Variants in DDX17 observed in about 807,000 individuals in gnomAD.
The protein encoded by DDX17 is DEAD-box helicase 17.
DDX17 carries 10 observed loss-of-function variants against 80.8 expected under a neutral mutation model. The observed-to-expected ratio is 0.12, with a 90% CI of 0.08 to 0.21. The LOEUF (loss-of-function observed/expected upper bound fraction) is 0.21. DDX17 is among the 10% of genes least tolerant of loss of function. The pLI is 1.00. For missense variants in DDX17, 586 were observed against 957.4 expected, an observed-to-expected ratio of 0.61 and a Z score of 5.12; for synonymous variants, 339 against 336.2, an observed-to-expected ratio of 1.01 and a Z score of -0.09.
Position 38,484,458 on chromosome 22 carries a change from A to G in DDX17, c.*1477T>C, listed in dbSNP as rs1270285638. The G allele has an allele frequency of 6.6e-6, 1 of 152,224 alleles. No homozygotes were observed. 9.4% of individuals were successfully genotyped at this position (152,224 alleles called of 1,614,324 possible). ...AAAACCTCGAGTATAGATCTTACAGATGAGCAAGCATTCAGGCCTTAGCCA... is the reference window on the plus strand; with the variant it reads ...AAAACCTCGAGTATAGATCTTACAGGTGAGCAAGCATTCAGGCCTTAGCCA... On this transcript the variant is annotated 3_prime_UTR_variant, in exon 13 of 13. Transcript: ENST00000403230.
intron 3 of DDX17, among the ~76,000 whole-genome samples, chr22:38,498,837 T>A (rs2089796536): frequency 6.6e-6 from 1 of 152,116 alleles, no homozygotes; most frequent in African/African-American, 2.4e-5. Flanking sequence ...GTCAACATGG[T>A]GAACCCTGTC....
At chr22:38,497,297 CAAAAAAAAAA>C (rs138448) in intron 5 of DDX17, among the ~76,000 whole-genome samples, 2 of 36,172 alleles carry the variant, frequency 5.5e-5, no homozygotes, top group South Asian at 1.7e-3. Context: ...AACTCCATCT[CAAAAAAAAAA>C]AAAAAAAAAA....
In DDX17 at chr22:38,492,041, C is replaced by T. The variant is rs775748709; in HGVS notation, c.1447+15G>A. On this transcript the variant is annotated intron_variant, in intron 11 of 12. Coordinates refer to ENST00000403230, the MANE Select transcript of DDX17 (RefSeq NM_006386.5). Reference sequence around the variant, plus strand: ...GATACATATACCATTGACAGAGACACCTATCTATACAAACCTAGCCCACGG... The same window carrying T: ...GATACATATACCATTGACAGAGACATCTATCTATACAAACCTAGCCCACGG... 5.0e-6 allele frequency: 8 copies of T among 1,586,996 alleles called. No homozygotes were observed. In the Admixed American group the frequency reaches 5.3e-5, roughly 11 times the overall value.
chr22:38,497,619 C>CAAAAAAAAAAAAAAAAA (rs138449), intron 5 of DDX17, among the ~76,000 whole-genome samples: 59 of 74,868 alleles, frequency 7.9e-4, no homozygotes, highest in African/African-American at 2.5e-3. Context: ...AATATATCTC[C>CAAAAAAAAAAAAAAAAA]AAAAAAAAAA....
chr22:38,497,537 G>A (rs912325126), intron 5 of DDX17, among the ~76,000 whole-genome samples: 7 of 148,376 alleles, frequency 4.7e-5, no homozygotes, highest in Non-Finnish European at 7.4e-5. Context: ...AGAATGGCTT[G>A]AACCTGGCAG....
rs1019237222 is a variant in DDX17 at position 38,488,722 on chromosome 22, A to G, written c.1448-607T>C. The G allele has an allele frequency of 2.9e-5, 29 of 987,094 alleles. No individual in the cohort carries two copies. The African/African-American group carries it at 5.1e-4, about 17-fold the overall frequency. 61.1% of individuals were successfully genotyped at this position (987,094 alleles called of 1,614,324 possible). On this transcript the variant is annotated intron_variant, in intron 11 of 12. Coordinates refer to ENST00000403230, the MANE Select transcript of DDX17 (RefSeq NM_006386.5). ...GAAACTGAGTAGAGCCAAAGCTGTT[A>G]AGTACACACCTATTTTCCTTTGCAG...
intron 5 of DDX17, 50 bp downstream of exon 5, chr22:38,498,035 G>A (rs763296055): frequency 1.8e-5 from 28 of 1,557,050 alleles, no homozygotes; most frequent in African/African-American, 6.8e-5. Context: ...CTAAATAGTC[G>A]CTAAATTGTA....
intron 11 of DDX17, chr22:38,488,452 G>C (rs985266120): frequency 4.3e-6 from 5 of 1,172,736 alleles, no homozygotes; most frequent in Non-Finnish European, 5.3e-6. Flanking sequence ...GCAAATTCCA[G>C]TACTATCCTT....
At position 38,490,000 on chromosome 22, in the gene DDX17, C is replaced by G. The variant is rs1196481983; in HGVS notation, c.1448-1885G>C. ...CTAGCAGAAAGCACCAGGGTGGAGT[C>G]AACAGTTCACATGCTAATACTTGGA... On this transcript the variant is annotated intron_variant, in intron 11 of 12. Transcript: ENST00000403230. The surrounding 1 kb of genome is among the most constrained non-coding windows in gnomAD (Gnocchi z 4.6). The G allele has an allele frequency of 2.0e-6, 2 of 1,023,830 alleles. No individual in the cohort carries two copies. The highest frequency in any genetic ancestry group is 1.7e-5 in the African/African-American group (1 of 58,116). 63.4% of individuals were successfully genotyped at this position (1,023,830 alleles called of 1,614,324 possible). A position where few individuals can be genotyped will look rare whatever the true frequency, so the allele number is the denominator to read the frequency against.
chr22:38,501,565 A>G (rs573459425), intron 1 of DDX17, among the ~76,000 whole-genome samples: 10 of 152,334 alleles, frequency 6.6e-5, no homozygotes, highest in Middle Eastern at 3.4e-3. Flanking sequence ...TTCTGGATCC[A>G]GACATGGTTT....
intron 11 of DDX17, chr22:38,488,569 C>T: frequency 1.0e-6 from 1 of 995,368 alleles, no homozygotes; most frequent in South Asian, 4.5e-5. Flanking sequence ...AACAACATAA[C>T]AAACTTACCT....
chr22:38,506,163 C>A lies in DDX17; in HGVS notation c.75G>T (p.Ala25=). 6.3e-7 allele frequency: 1 copy of A among 1,590,524 alleles called. No homozygotes were observed. Among genetic ancestry groups the A allele is most frequent in the Non-Finnish European group, 8.5e-7 (1 of 1,170,112 alleles). Residue 25 remains alanine, a synonymous_variant, in exon 1 of 13, where the codon GCG becomes GCT. Transcript: ENST00000403230. Reference sequence around the variant, plus strand: ...CCGACGCGCTGTCTCCCGTCGCAGACGCCACCGTCGCCGCCTCTCTCGTCG... The same window carrying A: ...CCGACGCGCTGTCTCCCGTCGCAGAAGCCACCGTCGCCGCCTCTCTCGTCG...
At position 38,505,949 on chromosome 22, in the gene DDX17, A is replaced by C; in HGVS notation, c.287+2T>G. On this transcript the variant is annotated splice_donor_variant, in intron 1 of 12. Transcript: ENST00000403230. LOFTEE classifies it high-confidence loss of function. Reference sequence around the variant, plus strand: ...GCCTCTCCTCTCCTCCCCCACCCTTACCCTCCACGGTCACGATCCCGGTCC... The same window carrying C: ...GCCTCTCCTCTCCTCCCCCACCCTTCCCCTCCACGGTCACGATCCCGGTCC... 4 of 1,560,218 alleles carry C rather than the reference A, an allele frequency of 2.6e-6. No individual in the cohort carries two copies. Among genetic ancestry groups the C allele is most frequent in the African/African-American group, 2.8e-5 (2 of 70,204 alleles).
Position 38,485,692 on chromosome 22 carries a change from ATATTTT to A in DDX17, c.*237_*242del, listed in dbSNP as rs1569136035. 2.3e-3 allele frequency: 146 copies of A among 63,652 alleles called. No homozygotes were observed. Among genetic ancestry groups the A allele is most frequent in the South Asian group, 3.6e-3 (16 of 4,454 alleles). 3.9% of individuals were successfully genotyped at this position (63,652 alleles called of 1,614,324 possible). On this transcript the variant is annotated 3_prime_UTR_variant, in exon 13 of 13. Transcript: ENST00000403230. ...TCCAGTCAGCTATATATATATATAT[ATATTTT>A]TTTTTTTTTTACAAAATGTTATTCC...
chr22:38,490,139 G>A (rs897649411), intron 11 of DDX17: 12 of 1,155,262 alleles, frequency 1.0e-5, no homozygotes, highest in East Asian at 6.3e-5. Flanking sequence ...AGGAGCAAGC[G>A]CAGAATTTGG....
rs1254374657 is a variant in DDX17 at position 38,506,154 on chromosome 22, C to T, written c.84G>A (p.Thr28=). 4.4e-6 allele frequency: 7 copies of T among 1,587,654 alleles called. No individual in the cohort carries two copies. The highest frequency in any genetic ancestry group is 6.0e-6 in the Non-Finnish European group (7 of 1,168,672). ...TCTCTCGCTCCGACGCGCTGTCTCC[C>T]GTCGCAGACGCCACCGTCGCCGCCT... Residue 28 remains threonine (T), a synonymous_variant, in exon 1 of 13, where the codon ACG becomes ACA. Transcript: ENST00000403230.
chr22:38,501,822 CTGTT>C (rs1396615943), intron 1 of DDX17, among the ~76,000 whole-genome samples: 1 of 152,208 alleles, frequency 6.6e-6, no homozygotes, highest in African/African-American at 2.4e-5. Context: ...GTATCGGCTA[CTGTT>C]TGAAGTGGTG....
intron 3 of DDX17, among the ~76,000 whole-genome samples, chr22:38,499,171 GT>G (rs1347699285): frequency 6.6e-6 from 1 of 152,120 alleles, no homozygotes; most frequent in Non-Finnish European, 1.5e-5. Flanking sequence ...TCATTCTGCT[GT>G]TTTCTAAAAG....
At chr22:38,494,221 C>CT in intron 8 of DDX17, 90 bp from the exon 9 acceptor site, 1 of 893,172 alleles carries the variant, frequency 1.1e-6, no homozygotes, top group Non-Finnish European at 1.8e-6. Context: ...GGCTACAGTA[C>CT]TTTCTTTGCA....
Sources: gnomAD v4.1 joint callset for allele counts (sites outside exome capture counted in the v4.1 genomes callset) on GRCh38, gnomAD v4.1.1 for gene constraint, Gnocchi (gnomAD v3.1) non-coding constraint, MANE v1.5 for transcripts, NCBI Gene and HGNC (gene_info 2026-07-23, HGNC 2026-07-21) for gene names.